FOSL2: variants seen among roughly 807,000 people sequenced by gnomAD.
FOSL2 encodes fos-related antigen 2.
FOSL2 carries 3 observed loss-of-function variants against 27.7 expected under a neutral mutation model. The ratio of observed to expected loss-of-function variants is 0.11; its 90% CI spans 0.05 to 0.28. The LOEUF (loss-of-function observed/expected upper bound fraction) is 0.28, where lower values mean the gene tolerates loss of function less well. FOSL2 is among the 10% of genes least tolerant of loss of function. The probability of loss-of-function intolerance (pLI) is 1.00; values close to 1 mark genes in which losing one functional copy is unlikely to be tolerated. For missense variants in FOSL2, 333 were observed against 445.1 expected (o/e 0.75, Z 2.27); for synonymous variants, 179 against 190.1 (o/e 0.94, Z 0.48).
chr2:28,395,294 G>A (rs12473028), intron 1 of FOSL2, among the ~76,000 whole-genome samples: 59,388 of 152,124 alleles, frequency 0.39, 11,795 homozygotes, highest in South Asian at 0.47. Context: ...TCTCCCGTTC[G>A]ACAAACCCCA....
chr2:28,413,319 G>A lies in FOSL2; in HGVS notation c.*871G>A. The A allele has an allele frequency of 2.5e-6, 1 of 396,744 alleles. No individual in the cohort carries two copies. The highest frequency in any genetic ancestry group is 4.4e-5 in the Admixed American group (1 of 22,682). The allele number at this position is 396,744 out of a possible 1,614,324, so 24.6% of individuals were successfully genotyped here. A position where few individuals can be genotyped will look rare whatever the true frequency, so the allele number is the denominator to read the frequency against. ...AGCTTCCCTTCACCTGGTGTCTTGA[G>A]TAGGGCGTCTCCTGTAATTACTGCC... is the stretch of plus-strand genomic sequence containing the variant. On this transcript the variant is annotated 3_prime_UTR_variant, in exon 4 of 4. Transcript: ENST00000264716.
chr2:28,410,853 A>G (rs1195098093), intron 3 of FOSL2, among the ~76,000 whole-genome samples: 1 of 152,124 alleles, frequency 6.6e-6, no homozygotes, highest in Admixed American at 6.6e-5. Flanking sequence ...TGTGCTTAAG[A>G]AATTGGAGCA....
intron 2 of FOSL2, among the ~76,000 whole-genome samples, chr2:28,406,961 G>A (rs1025693502): frequency 1.3e-5 from 2 of 152,152 alleles, no homozygotes; most frequent in African/African-American, 4.8e-5. Context: ...GTGGGTACAT[G>A]GTGCTGCTGA....
rs1313736965 is a variant in FOSL2 at position 28,393,783 on chromosome 2, G to T, written c.63G>T (p.Ala21=). ...CCCGGGGCAGCAGCGGCTCTCCTGCGCACGCCGAGTCCTACTCCAGCGGCG... is the reference window on the plus strand; with the variant it reads ...CCCGGGGCAGCAGCGGCTCTCCTGCTCACGCCGAGTCCTACTCCAGCGGCG... The part of the protein sequence containing the change: ...TSSRGSSGSP[A]HAESYSSGGG... The change falls in exon 1 of 4, where the codon GCG becomes GCT. Residue 21 remains alanine, a synonymous_variant. Transcript: ENST00000264716. The surrounding 1 kb of genome is among the most constrained non-coding windows in gnomAD (Gnocchi z 4.6). 2 of 1,607,416 alleles carry T rather than the reference G, an allele frequency of 1.2e-6. No homozygotes were observed. Among genetic ancestry groups the T allele is most frequent in the Non-Finnish European group, 8.5e-7 (1 of 1,177,646 alleles).
chr2:28,393,697 C>T lies in FOSL2; in HGVS notation c.-24C>T. The stretch of plus-strand genomic sequence containing the variant: ...GCGGGGGAAGAAAAACACCCTGTTT[C>T]CTCTCCGGCCCCCACCGCGGATCAT... On this transcript the variant is annotated 5_prime_UTR_variant, in exon 1 of 4. Transcript: ENST00000264716. This position sits in a 1 kb window ranked among gnomAD's most constrained non-coding sequence, Gnocchi z 4.6. 1 of 1,561,820 alleles carries T rather than the reference C, an allele frequency of 6.4e-7. No individual in the cohort carries two copies. The highest frequency in any genetic ancestry group is 1.4e-5 in the African/African-American group (1 of 72,810).
In FOSL2 at chr2:28,398,828, A is replaced by G. The variant is rs1331933903; in HGVS notation, c.102+5006A>G. Among the ~76,000 whole-genome samples the G allele has an allele frequency of 2.6e-5, 4 of 152,378 alleles. No homozygotes were observed. In the East Asian group the frequency reaches 7.7e-4, roughly 29 times the overall value. Reference sequence around the variant, plus strand: ...AGAGGAATGAAATGTCAGAGGTCAAAGTGATGTTCAACGCAGAACCTGTGA... The same window carrying G: ...AGAGGAATGAAATGTCAGAGGTCAAGGTGATGTTCAACGCAGAACCTGTGA... On this transcript the variant is annotated intron_variant, in intron 1 of 3. Transcript: ENST00000264716.
At chr2:28,407,767 G>A (rs1216066662) in intron 2 of FOSL2, among the ~76,000 whole-genome samples, 1 of 152,230 alleles carries the variant, frequency 6.6e-6, no homozygotes, top group East Asian at 1.9e-4. Flanking sequence ...TTGGCCCACA[G>A]CCGTCTCCTT....
intron 3 of FOSL2, among the ~76,000 whole-genome samples, chr2:28,410,257 G>T (rs1051838994): frequency 2.6e-5 from 4 of 152,182 alleles, no homozygotes; most frequent in Non-Finnish European, 5.9e-5. Context: ...CTTCCTCAGC[G>T]GGCCCTCCCA....
At chr2:28,400,664 T>C (rs1254749936) in intron 1 of FOSL2, among the ~76,000 whole-genome samples, 1 of 152,218 alleles carries the variant, frequency 6.6e-6, no homozygotes, top group African/African-American at 2.4e-5. Flanking sequence ...TGTACATGCG[T>C]TTCAGAGGCA....
In FOSL2 at chr2:28,393,450, T is replaced by G. The variant is rs1239454031; in HGVS notation, c.-271T>G. 6 of 414,992 alleles carry G rather than the reference T, an allele frequency of 1.4e-5. No homozygotes were observed. Among genetic ancestry groups the G allele is most frequent in the Non-Finnish European group, 2.6e-5 (6 of 232,026 alleles). 25.7% of individuals were successfully genotyped at this position (414,992 alleles called of 1,614,324 possible). A position where few individuals can be genotyped will look rare whatever the true frequency, so the allele number is the denominator to read the frequency against. On this transcript the variant is annotated 5_prime_UTR_variant, in exon 1 of 4. Transcript: ENST00000264716. This position sits in a 1 kb window ranked among gnomAD's most constrained non-coding sequence, Gnocchi z 4.6. ...GGGAGGGACCGAGAGACGCGCCGACTTTTTAGAGGGAGGGATCGGGTGGAC... is the reference window on the plus strand; with the variant it reads ...GGGAGGGACCGAGAGACGCGCCGACGTTTTAGAGGGAGGGATCGGGTGGAC...
chr2:28,404,318 C>G lies in FOSL2; in HGVS notation c.314C>G (p.Thr105Ser), dbSNP rs1486273378. ...CTCCCAAGACCTGGCGTGATCAAGACCATTGGCACCACCGTGGGCCGCAGG... is the reference window on the plus strand; with the variant it reads ...CTCCCAAGACCTGGCGTGATCAAGAGCATTGGCACCACCGTGGGCCGCAGG... Reference protein sequence around the residue: ...MALPRPGVIKTIGTTVGRRRR... With the variant: ...MALPRPGVIKSIGTTVGRRRR... Residue 105 changes from threonine (T) to serine (S), a missense_variant, in exon 2 of 4, where the codon ACC becomes AGC. Around this residue, in one of 4 missense-constraint regions of FOSL2, gnomAD observed 131 missense variants for 157.9 expected, o/e 0.83. Coordinates refer to ENST00000264716, the MANE Select transcript of FOSL2 (RefSeq NM_005253.4). This position sits in a 1 kb window ranked among gnomAD's most constrained non-coding sequence, Gnocchi z 4.7. 5.6e-6 allele frequency: 9 copies of G among 1,614,036 alleles called. No homozygotes were observed. The highest frequency in any genetic ancestry group is 7.6e-6 in the Non-Finnish European group (9 of 1,180,040).
chr2:28,393,395 C>T lies in FOSL2; in HGVS notation c.-326C>T. 6.1e-6 allele frequency: 2 copies of T among 325,208 alleles called. No homozygotes were observed. Among genetic ancestry groups the T allele is most frequent in the Non-Finnish European group, 1.1e-5 (2 of 177,062 alleles). 20.1% of individuals were successfully genotyped at this position (325,208 alleles called of 1,614,324 possible). ...GCCGTGGGTCCCCGCTGAGCTCCGG[C>T]TGCGCGCGGGGGCGGGAGGGCGCGC... is the stretch of plus-strand genomic sequence containing the variant. On this transcript the variant is annotated 5_prime_UTR_variant, in exon 1 of 4. Transcript: ENST00000264716. The surrounding 1 kb of genome is among the most constrained non-coding windows in gnomAD (Gnocchi z 4.6).
intron 2 of FOSL2, among the ~76,000 whole-genome samples, chr2:28,405,452 G>T (rs761728426): frequency 1.3e-5 from 2 of 152,212 alleles, no homozygotes; most frequent in African/African-American, 2.4e-5. Context: ...AACTATTTCA[G>T]TGACAGCCTT....
Position 28,392,946 on chromosome 2 carries a change from GA to G in FOSL2, c.-774del. On this transcript the variant is annotated 5_prime_UTR_variant, in exon 1 of 4. Transcript: ENST00000264716. Reference sequence around the variant, plus strand: ...GGCGCTCGGCGGGGACAGAAAGAGGGAGAGAGAGAGAGAGAGAGAGGGAGAG... The same window carrying G: ...GGCGCTCGGCGGGGACAGAAAGAGGGGAGAGAGAGAGAGAGAGAGGGAGAG... The G allele has an allele frequency of 2.9e-6, 1 of 350,120 alleles. No individual in the cohort carries two copies. The highest frequency in any genetic ancestry group is 5.4e-6 in the Non-Finnish European group (1 of 186,044). 21.7% of individuals were successfully genotyped at this position (350,120 alleles called of 1,614,324 possible). A position where few individuals can be genotyped will look rare whatever the true frequency, so the allele number is the denominator to read the frequency against.
At chr2:28,410,618 G>C (rs974812312) in intron 3 of FOSL2, 1 of 834,924 alleles carries the variant, frequency 1.2e-6, no homozygotes, top group Non-Finnish European at 1.4e-6. Flanking sequence ...TAGGGAAAAC[G>C]TGGGGAGGAG....
At position 28,404,178 on chromosome 2, in the gene FOSL2, G is replaced by C; in HGVS notation, c.174G>C (p.Gln58His). ...CCATCAACGCCATCACGACCAGCCA[G>C]GACCTGCAGTGGATGGTGCAGCCCA... ...IPTINAITTS[Q>H]DLQWMVQPTV... Residue 58 changes from glutamine (Q) to histidine (H), a missense_variant, in exon 2 of 4, where the codon CAG becomes CAC. Physicochemically the swap from Gln to His is conservative, Grantham distance 24 (BLOSUM62 0). This residue lies in a region of FOSL2 where 131 missense variants were observed against 157.9 expected (regional missense o/e 0.83). Transcript: ENST00000264716. This position sits in a 1 kb window ranked among gnomAD's most constrained non-coding sequence, Gnocchi z 4.7. The C allele has an allele frequency of 6.2e-7, 1 of 1,614,226 alleles. No individual in the cohort carries two copies. The highest frequency in any genetic ancestry group is 8.5e-7 in the Non-Finnish European group (1 of 1,180,026).
intron 1 of FOSL2, among the ~76,000 whole-genome samples, chr2:28,401,861 G>A (rs1663980283): frequency 6.6e-6 from 1 of 151,866 alleles, no homozygotes; most frequent in Non-Finnish European, 1.5e-5. Flanking sequence ...CTCTTCACGG[G>A]ATCCCAGAAT....
At chr2:28,399,384 TAG>T (rs1336349047) in intron 1 of FOSL2, among the ~76,000 whole-genome samples, 3 of 152,186 alleles carry the variant, frequency 2.0e-5, no homozygotes, top group Admixed American at 6.5e-5. Flanking sequence ...GGCTCCAGTA[TAG>T]AGTCTCAGGA....
intron 2 of FOSL2, among the ~76,000 whole-genome samples, chr2:28,405,768 C>T (rs1179037917): frequency 6.6e-6 from 1 of 152,216 alleles, no homozygotes; most frequent in East Asian, 1.9e-4. Flanking sequence ...GGATTCACAG[C>T]TGCATGTTGG....
Sources: allele counts gnomAD v4.1 joint callset (sites outside exome capture counted in the v4.1 genomes callset), GRCh38; gene constraint gnomAD v4.1.1; regional missense constraint gnomAD v4.1.1; non-coding constraint Gnocchi (gnomAD v3.1); transcripts MANE v1.5; gene names NCBI Gene and HGNC (gene_info 2026-07-23, HGNC 2026-07-21).